Variants in RAB2A observed in about 807,000 individuals in gnomAD.
The protein encoded by RAB2A is RAB2A, member RAS oncogene family, also known as ras-related protein Rab-2A.
Under a neutral mutation model 32.5 loss-of-function variants are expected in RAB2A, and 7 were observed. The observed-to-expected ratio is 0.22, with a 90% confidence interval of 0.12 to 0.40. The LOEUF (loss-of-function observed/expected upper bound fraction) is 0.40. Ranked by LOEUF, RAB2A falls within the 10% of genes least tolerant of loss-of-function variation. RAB2A has a pLI of 1.00. For synonymous variants in RAB2A, 79 were observed against 85.2 expected (o/e 0.93, Z 0.40); for missense variants, 108 against 260.7 (o/e 0.41, Z 4.03).
chr8:60,601,883 G>A (rs1255424287), intron 6 of RAB2A, among the ~76,000 whole-genome samples: 2 of 152,058 alleles, frequency 1.3e-5, no homozygotes, highest in East Asian at 1.9e-4. Flanking sequence ...CTGGTGTTAA[G>A]CCTCATTTTA....
intron 1 of RAB2A, among the ~76,000 whole-genome samples, chr8:60,542,636 G>A (rs996500231): frequency 6.6e-6 from 1 of 152,170 alleles, no homozygotes; most frequent in Non-Finnish European, 1.5e-5. Flanking sequence ...TGTGATTTTG[G>A]TCTCATCCCA....
At chr8:60,608,548 C>T (rs957312875) in intron 6 of RAB2A, among the ~76,000 whole-genome samples, 1 of 146,454 alleles carries the variant, frequency 6.8e-6, no homozygotes, top group Non-Finnish European at 1.5e-5. Flanking sequence ...CCTTCTCTCT[C>T]TCCTCTCTCT....
chr8:60,537,511 C>CCA (rs1413027821), intron 1 of RAB2A, among the ~76,000 whole-genome samples: 2 of 152,134 alleles, frequency 1.3e-5, no homozygotes, highest in African/African-American at 2.4e-5. Context: ...GCGTGAGCCA[C>CCA]CACACCTCAC....
intron 5 of RAB2A, among the ~76,000 whole-genome samples, chr8:60,585,746 G>GGT (rs1351852777): frequency 9.9e-5 from 15 of 152,032 alleles, no homozygotes; most frequent in Non-Finnish European, 1.8e-4. Context: ...TAAGGAAACT[G>GGT]GTAAGATATT....
upstream of RAB2A, chr8:60,516,954 C>T (rs1034080205): frequency 8.6e-5 from 33 of 385,300 alleles, no homozygotes; most frequent in Non-Finnish European, 1.4e-4. Flanking sequence ...CGGGTCGGCG[C>T]GGAGGCGGGG....
intron 1 of RAB2A, among the ~76,000 whole-genome samples, chr8:60,527,975 A>G (rs1285879745): frequency 6.6e-6 from 1 of 152,232 alleles, no homozygotes; most frequent in Non-Finnish European, 1.5e-5. Flanking sequence ...GTATACAGCT[A>G]GTAACTGACC....
intron 6 of RAB2A, among the ~76,000 whole-genome samples, chr8:60,601,623 C>T (rs1207127756): frequency 2.6e-5 from 4 of 152,182 alleles, no homozygotes; most frequent in African/African-American, 9.7e-5. Context: ...TAGGCATGAG[C>T]TGCCATGCCC....
intron 2 of RAB2A, among the ~76,000 whole-genome samples, chr8:60,571,016 C>T (rs1202913760): frequency 6.6e-6 from 1 of 152,102 alleles, no homozygotes; most frequent in Non-Finnish European, 1.5e-5. Flanking sequence ...ATACTCTAGG[C>T]AGTAATGACT....
intron 2 of RAB2A, among the ~76,000 whole-genome samples, chr8:60,570,259 C>T (rs1808177938): frequency 6.6e-6 from 1 of 152,146 alleles, no homozygotes; most frequent in Non-Finnish European, 1.5e-5. Context: ...TGCTTAAAAG[C>T]CAACCCATCC....
rs1466920374 is a variant in RAB2A at position 60,565,703 on chromosome 8, T to A, written c.119-6343T>A. 4.6e-5 allele frequency among the ~76,000 whole-genome samples: 2 copies of A among 43,202 alleles called. 1 individual carries two copies. The highest frequency in any genetic ancestry group is 4.4e-4 in the Admixed American group (2 of 4,586). 28.3% of individuals were successfully genotyped at this position (43,202 alleles called of 152,430 possible). On this transcript the variant is annotated intron_variant, in intron 2 of 7. Transcript: ENST00000262646. ...TTTTTTTTTTTTTTTTTTTTTTTTT[T>A]TTTTTTTTTTTTTTTTTTTTTTTTT...
At chr8:60,575,983 A>G (rs1803610835) in intron 3 of RAB2A, among the ~76,000 whole-genome samples, 3 of 152,076 alleles carry the variant, frequency 2.0e-5, no homozygotes, top group African/African-American at 4.8e-5. Flanking sequence ...TTTATCTTCA[A>G]AAAATTTAAG....
At chr8:60,534,085 A>G (rs930618882) in intron 1 of RAB2A, among the ~76,000 whole-genome samples, 1 of 152,204 alleles carries the variant, frequency 6.6e-6, no homozygotes, top group African/African-American at 2.4e-5. Context: ...AATTTGCCAC[A>G]ATAACTATAA....
intron 7 of RAB2A, 44 bp from the exon 8 acceptor site, chr8:60,620,630 A>C (rs769617945): frequency 7.3e-7 from 1 of 1,373,306 alleles, no homozygotes; most frequent in African/African-American, 1.4e-5. Context: ...TAGTTAAACT[A>C]TATTGTCTGG....
intron 6 of RAB2A, among the ~76,000 whole-genome samples, chr8:60,592,957 G>A (rs556152240): frequency 2.0e-5 from 3 of 152,316 alleles, no homozygotes; most frequent in Non-Finnish European, 1.5e-5. Context: ...AATCACTGCC[G>A]TAAGGATAAC....
chr8:60,566,164 GC>G (rs1349233291), intron 2 of RAB2A, among the ~76,000 whole-genome samples: 1 of 152,178 alleles, frequency 6.6e-6, no homozygotes. Context: ...GTGTGTTAGT[GC>G]CTTCTAAAGC....
intron 1 of RAB2A, among the ~76,000 whole-genome samples, chr8:60,547,735 G>A (rs1325297577): frequency 2.7e-5 from 3 of 111,588 alleles, no homozygotes; most frequent in African/African-American, 7.0e-5. Context: ...CGGACGGGGC[G>A]GCTGGCCAGG....
intron 2 of RAB2A, among the ~76,000 whole-genome samples, chr8:60,565,444 A>G (rs1808094943): frequency 6.6e-6 from 1 of 151,472 alleles, no homozygotes; most frequent in Admixed American, 6.6e-5. Flanking sequence ...AGAAAGAAGT[A>G]AATGATTGGT....
At chr8:60,556,961 CT>C (rs1453572485) in intron 1 of RAB2A, among the ~76,000 whole-genome samples, 1 of 152,064 alleles carries the variant, frequency 6.6e-6, no homozygotes, top group East Asian at 1.9e-4. Flanking sequence ...ACTTTCACAC[CT>C]TTTAAAAGAT....
intron 5 of RAB2A, among the ~76,000 whole-genome samples, chr8:60,589,598 T>A (rs1803908170): frequency 1.3e-5 from 2 of 152,016 alleles, no homozygotes; most frequent in South Asian, 4.1e-4. Flanking sequence ...AGTGTAAGGG[T>A]TGTAATGCAA....
Sources: allele counts gnomAD v4.1 joint callset (sites outside exome capture counted in the v4.1 genomes callset), GRCh38; gene constraint gnomAD v4.1.1; transcripts MANE v1.5; gene names NCBI Gene and HGNC (gene_info 2026-07-23, HGNC 2026-07-21).